SPOP: variants seen among roughly 807,000 people sequenced by gnomAD.
SPOP encodes speckle type BTB/POZ protein.
A neutral mutation model predicts 45.6 loss-of-function variants in SPOP; 11 were observed. The observed-to-expected ratio is 0.24, with a 90% CI of 0.15 to 0.40. SPOP has a LOEUF of 0.40. Ranked by LOEUF, SPOP falls within the 10% of genes least tolerant of loss-of-function variation. The probability of loss-of-function intolerance (pLI) is 1.00; values close to 1 mark genes in which losing one functional copy is unlikely to be tolerated. For missense variants in SPOP, 152 were observed against 465.6 expected (o/e 0.33, Z 6.20); for synonymous variants, 166 against 166.3 (o/e 1.00, Z 0.01).
chr17:49,607,982 G>C, intron 6 of SPOP, 53 bp from the exon 7 acceptor site: 1 of 1,560,632 alleles, frequency 6.4e-7, no homozygotes. Flanking sequence ...GAAATCTCTT[G>C]GTTGTTGCCA....
intron 1 of SPOP, 133 bp from the exon 2 acceptor site, chr17:49,623,009 A>G: frequency 1.9e-6 from 1 of 521,590 alleles, no homozygotes; most frequent in East Asian, 3.3e-5. Context: ...GAGGTCCTAA[A>G]ATTTTTTTTT....
intron 1 of SPOP, among the ~76,000 whole-genome samples, chr17:49,632,381 A>T (rs1412976078): frequency 6.6e-6 from 1 of 152,228 alleles, no homozygotes; most frequent in Admixed American, 6.5e-5. Context: ...TCCACAAGAC[A>T]ATAGTGAGAA....
intron 5 of SPOP, among the ~76,000 whole-genome samples, chr17:49,616,790 A>C (rs2072095938): frequency 6.6e-6 from 1 of 152,220 alleles, no homozygotes. Flanking sequence ...CAGATGGCAC[A>C]CCTGGTTCGA....
At chr17:49,622,150 C>A in intron 2 of SPOP, 83 bp from the exon 3 acceptor site, 1 of 1,504,788 alleles carries the variant, frequency 6.6e-7, no homozygotes, top group Non-Finnish European at 9.1e-7. Flanking sequence ...ATCATTTCCC[C>A]TCCCTCCCTC....
At chr17:49,670,078 T>C (rs2073118457) in intron 1 of SPOP, among the ~76,000 whole-genome samples, 1 of 152,202 alleles carries the variant, frequency 6.6e-6, no homozygotes, top group Non-Finnish European at 1.5e-5. Flanking sequence ...GCTGTCTGAA[T>C]GGTTAATTCC....
chr17:49,648,649 A>G (rs1433252784), intron 1 of SPOP, among the ~76,000 whole-genome samples: 1 of 152,200 alleles, frequency 6.6e-6, no homozygotes, highest in African/African-American at 2.4e-5. Flanking sequence ...AACCTAGACA[A>G]TGGGGGCTCT....
At chr17:49,665,042 AG>A (rs1295106258) in intron 1 of SPOP, among the ~76,000 whole-genome samples, 6 of 152,164 alleles carry the variant, frequency 3.9e-5, no homozygotes, top group Admixed American at 6.5e-5. Context: ...CTTATGATCA[AG>A]GAAGTCTTGA....
chr17:49,607,964 A>G (rs770271881), intron 6 of SPOP, 35 bp from the exon 7 acceptor site: 48 of 1,603,008 alleles, frequency 3.0e-5, no homozygotes, highest in Non-Finnish European at 4.1e-5. Context: ...AGATAAGGCT[A>G]TCACAGTGAA....
chr17:49,664,583 T>A (rs1479155455), intron 1 of SPOP, among the ~76,000 whole-genome samples: 2 of 152,128 alleles, frequency 1.3e-5, no homozygotes, highest in South Asian at 4.1e-4. Flanking sequence ...TTTTTAACAG[T>A]GTAAAAACTC....
At position 49,611,268 on chromosome 17, in the gene SPOP, A is replaced by G. The variant is rs1303411792; in HGVS notation, c.658+12T>C. 4.4e-6 allele frequency: 7 copies of G among 1,607,814 alleles called. No homozygotes were observed. The highest frequency in any genetic ancestry group is 5.9e-6 in the Non-Finnish European group (7 of 1,177,212). On this transcript the variant is annotated intron_variant, in intron 6 of 9. Coordinates refer to ENST00000504102, the MANE Select transcript of SPOP (RefSeq NM_001007228.2). ...ACCAAAACTATAAAATTCCTCATGA[A>G]TAAATACCAACCTGCTAAGATAGCC...
Position 49,607,926 on chromosome 17 carries a change from C to A in SPOP, c.662G>T (p.Arg221Leu). The A allele has an allele frequency of 6.2e-7, 1 of 1,611,698 alleles. No homozygotes were observed. Among genetic ancestry groups the A allele is most frequent in the Non-Finnish European group, 8.5e-7 (1 of 1,178,630 alleles). The change falls in exon 7 of 10, where the codon CGT (arginine) becomes CTT (leucine). Residue 221 changes from arginine to leucine, a missense_variant. Coordinates refer to ENST00000504102, the MANE Select transcript of SPOP (RefSeq NM_001007228.2). Reference protein sequence around the residue: ...FQAHKAILAARSPVFSAMFEH... With the variant: ...FQAHKAILAALSPVFSAMFEH... ...AAACATGGCACTAAAAACCGGAGAA[C>A]GAGCTACAAAGTCAAAGAGAAACAA...
intron 1 of SPOP, among the ~76,000 whole-genome samples, chr17:49,672,063 C>A (rs2143580945): frequency 6.6e-6 from 1 of 152,228 alleles, no homozygotes; most frequent in Non-Finnish European, 1.5e-5. Context: ...TCACTTGAAT[C>A]CAGGAGGCAG....
intron 1 of SPOP, chr17:49,676,128 A>G (rs990031790): frequency 1.3e-5 from 2 of 152,244 alleles, no homozygotes; most frequent in Non-Finnish European, 2.9e-5. Context: ...CCTAAGTAAT[A>G]TCTAAGTATG....
intron 1 of SPOP, among the ~76,000 whole-genome samples, chr17:49,664,572 G>A (rs1191790237): frequency 6.6e-6 from 1 of 152,042 alleles, no homozygotes; most frequent in Non-Finnish European, 1.5e-5. Flanking sequence ...GTCCTCAAAA[G>A]TTTTTAACAG....
At chr17:49,658,959 C>A (rs1240405923) in intron 1 of SPOP, among the ~76,000 whole-genome samples, 1 of 152,100 alleles carries the variant, frequency 6.6e-6, no homozygotes, top group Admixed American at 6.6e-5. Context: ...CCCTCTTATC[C>A]CTCTACTAAG....
intron 8 of SPOP, among the ~76,000 whole-genome samples, chr17:49,606,295 G>A (rs975223614): frequency 6.6e-6 from 1 of 151,548 alleles, no homozygotes; most frequent in Admixed American, 6.6e-5. Context: ...CTGGGACTAT[G>A]GGCGTGCACC....
At chr17:49,677,519 C>T (rs923206642) in intron 1 of SPOP, among the ~76,000 whole-genome samples, 1 of 152,238 alleles carries the variant, frequency 6.6e-6, no homozygotes, top group African/African-American at 2.4e-5. Context: ...CGGACTCGTG[C>T]TCCACCGGCT....
intron 1 of SPOP, 130 bp downstream of exon 1, chr17:49,677,803 G>A: frequency 2.6e-6 from 1 of 389,752 alleles, no homozygotes; most frequent in South Asian, 1.4e-4. Context: ...GTAGGAAATG[G>A]GACTGAGGAG....
At chr17:49,612,823 G>A (rs1224568362) in intron 5 of SPOP, 1 of 152,168 alleles carries the variant, frequency 6.6e-6, no homozygotes, top group African/African-American at 2.4e-5. Context: ...ACAGTAAGAT[G>A]AGAAAGACAG....
Sources: gnomAD v4.1 joint callset for allele counts (sites outside exome capture counted in the v4.1 genomes callset) on GRCh38, gnomAD v4.1.1 for gene constraint, MANE v1.5 for transcripts, NCBI Gene and HGNC (gene_info 2026-07-23, HGNC 2026-07-21) for gene names.